Variants in NLGN1 observed in about 807,000 individuals in gnomAD.
The protein encoded by NLGN1 is neuroligin 1, also known as neuroligin-1.
A neutral mutation model predicts 65.5 loss-of-function variants in NLGN1; 12 were observed. The observed-to-expected ratio is 0.18, with a 90% CI of 0.12 to 0.30. NLGN1 has a LOEUF of 0.30. Among genes scored for constraint, NLGN1 ranks in the 10% least tolerant of loss-of-function variants. The pLI is 1.00. For missense variants in NLGN1, 750 were observed against 1,007.1 expected, an observed-to-expected ratio of 0.74 and a Z score of 3.46; for synonymous variants, 350 against 359.5, an observed-to-expected ratio of 0.97 and a Z score of 0.30.
chr3:173,899,505 A>G (rs534588775), intron 4 of NLGN1, among the ~76,000 whole-genome samples: 3 of 152,178 alleles, frequency 2.0e-5, no homozygotes, highest in African/African-American at 7.2e-5. Context: ...ACTATGACCA[A>G]TAGGCCAAAC....
intron 3 of NLGN1, among the ~76,000 whole-genome samples, chr3:173,772,357 C>G (rs1014468297): frequency 6.6e-6 from 1 of 152,148 alleles, no homozygotes; most frequent in Non-Finnish European, 1.5e-5. Flanking sequence ...GTGGCTCACT[C>G]CTGCAATCCC....
intron 2 of NLGN1, among the ~76,000 whole-genome samples, chr3:173,530,747 C>T (rs563492520): frequency 6.6e-6 from 1 of 152,086 alleles, no homozygotes; most frequent in African/African-American, 2.4e-5. Context: ...AATGCCTGCT[C>T]TTTTGTTTTA....
At chr3:173,443,761 C>G (rs1439132614) in intron 2 of NLGN1, among the ~76,000 whole-genome samples, 1 of 152,150 alleles carries the variant, frequency 6.6e-6, no homozygotes, top group Admixed American at 6.5e-5. Context: ...GACTATAGTG[C>G]TAGTTAAACC....
intron 2 of NLGN1, among the ~76,000 whole-genome samples, chr3:173,532,246 G>T (rs1451879000): frequency 1.3e-5 from 2 of 152,086 alleles, no homozygotes; most frequent in African/African-American, 4.8e-5. Context: ...CTAGAGAATG[G>T]TAGATATTTG....
At chr3:173,863,322 A>G (rs529077989) in intron 4 of NLGN1, among the ~76,000 whole-genome samples, 2 of 152,302 alleles carry the variant, frequency 1.3e-5, no homozygotes, top group South Asian at 4.1e-4. Flanking sequence ...ATATACTTAA[A>G]TCAGAGTTCT....
chr3:173,895,219 T>C (rs1453179143), intron 4 of NLGN1, among the ~76,000 whole-genome samples: 2 of 152,138 alleles, frequency 1.3e-5, no homozygotes, highest in Non-Finnish European at 2.9e-5. Flanking sequence ...ACACAGTCCT[T>C]TTAAGGACTG....
At chr3:174,030,341 G>A (rs574866520) in intron 4 of NLGN1, among the ~76,000 whole-genome samples, 55 of 152,074 alleles carry the variant, frequency 3.6e-4, no homozygotes, top group African/African-American at 1.3e-3. Flanking sequence ...GGCCAGGCTG[G>A]TCTCGAACTC....
intron 3 of NLGN1, chr3:173,789,863 T>C: frequency 1.9e-6 from 1 of 514,760 alleles, no homozygotes; most frequent in South Asian, 1.4e-5. Context: ...CCCAACTGCC[T>C]CACCTCCATG....
intron 2 of NLGN1, among the ~76,000 whole-genome samples, chr3:173,451,244 GA>G (rs993324047): frequency 3.9e-5 from 6 of 152,226 alleles, no homozygotes; most frequent in African/African-American, 1.4e-4. Context: ...TTTTGGTGTG[GA>G]TGTCCTTTCT....
chr3:174,093,162 T>C (rs1181840349), intron 4 of NLGN1, among the ~76,000 whole-genome samples: 2 of 152,206 alleles, frequency 1.3e-5, no homozygotes, highest in African/African-American at 4.8e-5. Flanking sequence ...TTTATTTGCA[T>C]TAGCCGGAAA....
At chr3:173,949,818 T>C (rs1480539622) in intron 4 of NLGN1, among the ~76,000 whole-genome samples, 2 of 152,208 alleles carry the variant, frequency 1.3e-5, no homozygotes, top group South Asian at 2.1e-4. Flanking sequence ...GAAATCATTA[T>C]GTCTGGCATT....
chr3:173,691,899 A>G (rs139703804), intron 3 of NLGN1, among the ~76,000 whole-genome samples: 17 of 152,262 alleles, frequency 1.1e-4, no homozygotes, highest in African/African-American at 3.8e-4. Context: ...AATACACATT[A>G]AATTCCCATC....
chr3:174,051,412 C>T (rs534068908), intron 4 of NLGN1, among the ~76,000 whole-genome samples: 3 of 152,104 alleles, frequency 2.0e-5, no homozygotes, highest in African/African-American at 4.8e-5. Context: ...TGTGGCTGGT[C>T]GGCTGCCACC....
chr3:174,238,677 GT>G (rs1374951739), intron 4 of NLGN1, among the ~76,000 whole-genome samples: 1 of 152,048 alleles, frequency 6.6e-6, no homozygotes, highest in African/African-American at 2.4e-5. Flanking sequence ...TACTTCTTAT[GT>G]TTTTTTCTCC....
At chr3:174,244,222 A>G (rs886890022) in intron 4 of NLGN1, among the ~76,000 whole-genome samples, 15 of 152,212 alleles carry the variant, frequency 9.9e-5, no homozygotes, top group African/African-American at 2.7e-4. Flanking sequence ...GTTCTTAGTC[A>G]TATGTTCTAG....
intron 3 of NLGN1, among the ~76,000 whole-genome samples, chr3:173,617,708 C>G (rs1753335826): frequency 6.6e-6 from 1 of 152,228 alleles, no homozygotes; most frequent in African/African-American, 2.4e-5. Flanking sequence ...TCTTGGCTTT[C>G]TGCCTGTGCA....
intron 4 of NLGN1, among the ~76,000 whole-genome samples, chr3:173,857,222 A>G (rs1177824106): frequency 6.6e-6 from 1 of 152,014 alleles, no homozygotes; most frequent in Non-Finnish European, 1.5e-5. Flanking sequence ...TAGTAATTCA[A>G]TAATTTGGAC....
intron 4 of NLGN1, among the ~76,000 whole-genome samples, chr3:174,071,191 G>GT (rs1223961620): frequency 6.6e-6 from 1 of 152,154 alleles, no homozygotes; most frequent in African/African-American, 2.4e-5. Flanking sequence ...GCAGCTTTTA[G>GT]TTTTTTGACA....
At chr3:174,167,976 C>T (rs1223987222) in intron 4 of NLGN1, among the ~76,000 whole-genome samples, 1 of 151,708 alleles carries the variant, frequency 6.6e-6, no homozygotes, top group African/African-American at 2.4e-5. Context: ...ATTATTTTTT[C>T]TGTTTTTTTT....
Sources: allele counts gnomAD v4.1 joint callset (sites outside exome capture counted in the v4.1 genomes callset), GRCh38; gene constraint gnomAD v4.1.1; transcripts MANE v1.5; gene names NCBI Gene and HGNC (gene_info 2026-07-23, HGNC 2026-07-21).